GNB1: variants seen among roughly 807,000 people sequenced by gnomAD.
GNB1 encodes the protein guanine nucleotide-binding protein G(I)/G(S)/G(T) subunit beta-1.
Under a neutral mutation model 42.9 loss-of-function variants are expected in GNB1, and 2 were observed. That is an observed-to-expected ratio of 0.05 (90% CI 0.02 to 0.15). The LOEUF (loss-of-function observed/expected upper bound fraction) is 0.15, where lower values mean the gene tolerates loss of function less well. Ranked by LOEUF, GNB1 falls within the 10% of genes least tolerant of loss-of-function variation. GNB1 has a pLI of 1.00. For missense variants in GNB1, 193 were observed against 462.2 expected (o/e 0.42, Z 5.34); for synonymous variants, 183 against 174.7 (o/e 1.05, Z -0.38).
intron 1 of GNB1, among the ~76,000 whole-genome samples, chr1:1,878,169 T>C (rs1570753676): frequency 6.6e-6 from 1 of 152,312 alleles, no homozygotes; most frequent in South Asian, 2.1e-4. Context: ...AGTAATAGCA[T>C]AGTTCCCAGC....
chr1:1,841,961 G>A (rs1375620546), intron 1 of GNB1, among the ~76,000 whole-genome samples: 1 of 152,182 alleles, frequency 6.6e-6, no homozygotes, highest in Non-Finnish European at 1.5e-5. Flanking sequence ...CACTGAGCAT[G>A]AATGGATGAA....
chr1:1,785,797 A>G lies in GNB1; in HGVS notation c.*1266T>C. 2.6e-6 allele frequency: 1 copy of G among 385,506 alleles called. No homozygotes were observed. The highest frequency in any genetic ancestry group is 3.7e-5 in the East Asian group (1 of 27,332). 23.9% of individuals were successfully genotyped at this position (385,506 alleles called of 1,614,324 possible). A position where few individuals can be genotyped will look rare whatever the true frequency, so the allele number is the denominator to read the frequency against. On this transcript the variant is annotated 3_prime_UTR_variant, in exon 12 of 12. Transcript: ENST00000378609. ...CAGAATCCAACAGCAGTCGTTTGCA[A>G]CAGAACTTTTTTTTTTTTAAAGAAA... is the stretch of plus-strand genomic sequence containing the variant.
intron 9 of GNB1, 26 bp from the exon 10 acceptor site, chr1:1,789,295 A>T (rs756139536): frequency 5.3e-6 from 7 of 1,312,250 alleles, no homozygotes; most frequent in Non-Finnish European, 7.7e-6. Flanking sequence ...AAATCAAGAC[A>T]TCATGTAAAC....
chr1:1,880,188 C>A (rs1649763872), intron 1 of GNB1, among the ~76,000 whole-genome samples: 1 of 152,210 alleles, frequency 6.6e-6, no homozygotes, highest in Non-Finnish European at 1.5e-5. Flanking sequence ...CTGCCTCACC[C>A]TCCCAAAGCA....
At chr1:1,889,921 G>A (rs547907729) in intron 1 of GNB1, among the ~76,000 whole-genome samples, 7 of 151,778 alleles carry the variant, frequency 4.6e-5, no homozygotes, top group East Asian at 1.9e-4. Context: ...CAGGCAAGAG[G>A]AAGACACCCA....
chr1:1,889,516 C>A (rs1161906379), intron 1 of GNB1, among the ~76,000 whole-genome samples: 2 of 152,138 alleles, frequency 1.3e-5, no homozygotes, highest in Non-Finnish European at 2.9e-5. Context: ...TAAGAAAAAG[C>A]TTCCATGAAG....
At chr1:1,823,818 TG>T (rs1646963452) in intron 3 of GNB1, among the ~76,000 whole-genome samples, 1 of 152,194 alleles carries the variant, frequency 6.6e-6, no homozygotes, top group African/African-American at 2.4e-5. Context: ...AGGAAATACT[TG>T]ACTTCATCCT....
intron 1 of GNB1, among the ~76,000 whole-genome samples, chr1:1,889,750 A>G (rs955547324): frequency 6.6e-6 from 1 of 152,154 alleles, no homozygotes; most frequent in African/African-American, 2.4e-5. Flanking sequence ...AATTTAACGG[A>G]CACAAGAAAT....
rs187882916 is a variant in GNB1, at chr1:1,852,521, C to T, written c.-95-13283G>A. ...CTAGGATTACAGGCTCGAGCCACGG[C>T]GCCCGGCCTCAAAATATTTTTTAAA... is the stretch of plus-strand genomic sequence containing the variant. On this transcript the variant is annotated intron_variant, in intron 1 of 11. Transcript: ENST00000378609. Among the ~76,000 whole-genome samples the T allele has an allele frequency of 2.5e-3, 378 of 152,058 alleles. 1 individual carries two copies. The highest frequency in any genetic ancestry group is 8.3e-3 in the African/African-American group (345 of 41,482).
At chr1:1,872,627 G>T (rs1199850605) in intron 1 of GNB1, among the ~76,000 whole-genome samples, 42 of 152,108 alleles carry the variant, frequency 2.8e-4, no homozygotes, top group Admixed American at 2.6e-3. Context: ...CTCTCCACCT[G>T]AAGCATAGGG....
Position 1,787,797 on chromosome 1 carries a change from C to T in GNB1, c.917-360G>A, listed in dbSNP as rs1421414642. On this transcript the variant is annotated intron_variant, in intron 10 of 11. Transcript: ENST00000378609. The surrounding 1 kb of genome is among the most constrained non-coding windows in gnomAD (Gnocchi z 4.4). ...CTGTAATCCCAGCACGTTGGAAGGC[C>T]GAGGCAGGCAGATCATGAGGTCAGG... Among the ~76,000 whole-genome samples, 2 of 152,056 alleles carry T rather than the reference C, an allele frequency of 1.3e-5. No individual in the cohort carries two copies. The highest frequency in any genetic ancestry group is 1.9e-4 in the East Asian group (1 of 5,192).
intron 3 of GNB1, among the ~76,000 whole-genome samples, chr1:1,823,242 G>GAAAAAAAAA (rs745874003): frequency 8.1e-5 from 3 of 36,840 alleles, no homozygotes; most frequent in African/African-American, 1.9e-4. Flanking sequence ...ACTGTCTCCA[G>GAAAAAAAAA]AAAAAAAAAA....
chr1:1,813,601 C>A (rs1016019399), intron 5 of GNB1, among the ~76,000 whole-genome samples: 1 of 152,086 alleles, frequency 6.6e-6, no homozygotes, highest in Non-Finnish European at 1.5e-5. Context: ...AGTGATCCTC[C>A]CACCTCGGCC....
chr1:1,819,091 GA>G (rs779634045), intron 3 of GNB1, among the ~76,000 whole-genome samples: 1 of 151,832 alleles, frequency 6.6e-6, no homozygotes, highest in Non-Finnish European at 1.5e-5. Flanking sequence ...AAAGTTACTA[GA>G]AAATAGACCT....
chr1:1,839,735 T>A (rs1647199364), intron 1 of GNB1: 1 of 151,538 alleles, frequency 6.6e-6, no homozygotes, highest in South Asian at 2.1e-4. Context: ...AAGCCTGTAA[T>A]CCCGGTTACT....
At chr1:1,864,742 A>G (rs1416962917) in intron 1 of GNB1, among the ~76,000 whole-genome samples, 1 of 152,214 alleles carries the variant, frequency 6.6e-6, no homozygotes, top group East Asian at 1.9e-4. Context: ...TCTGCAATTT[A>G]TAACTAAGAG....
intron 1 of GNB1, among the ~76,000 whole-genome samples, chr1:1,879,265 A>G (rs989201937): frequency 6.6e-6 from 1 of 152,162 alleles, no homozygotes; most frequent in Non-Finnish European, 1.5e-5. Flanking sequence ...ATCCTCAACT[A>G]TTAAGGACCC....
At position 1,786,164 on chromosome 1, in the gene GNB1, C is replaced by T. The variant is rs1164282657; in HGVS notation, c.*899G>A. 5.0e-6 allele frequency: 2 copies of T among 398,354 alleles called. No homozygotes were observed. Among genetic ancestry groups the T allele is most frequent in the Non-Finnish European group, 8.9e-6 (2 of 225,834 alleles). The allele number at this position is 398,354 out of a possible 1,614,324, so 24.7% of individuals were successfully genotyped here. A position where few individuals can be genotyped will look rare whatever the true frequency, so the allele number is the denominator to read the frequency against. On this transcript the variant is annotated 3_prime_UTR_variant, in exon 12 of 12. Transcript: ENST00000378609. ...ATTGACTGACTATCCAAGCACAGGA[C>T]AGGCATCTCTCTTGAAAACAGAGGT...
At chr1:1,875,340 C>T (rs374517617) in intron 1 of GNB1, among the ~76,000 whole-genome samples, 2 of 151,896 alleles carry the variant, frequency 1.3e-5, no homozygotes, top group Admixed American at 6.6e-5. Flanking sequence ...TACAGGTGCA[C>T]GCCACCACAC....
Sources: gnomAD v4.1 joint callset for allele counts (sites outside exome capture counted in the v4.1 genomes callset) on GRCh38, gnomAD v4.1.1 for gene constraint, Gnocchi (gnomAD v3.1) non-coding constraint, MANE v1.5 for transcripts, NCBI Gene and HGNC (gene_info 2026-07-23, HGNC 2026-07-21) for gene names.